EP300: variants seen among roughly 807,000 people sequenced by gnomAD.
EP300 encodes histone acetyltransferase p300.
In EP300, 31 loss-of-function variants were observed where a neutral mutation model predicts 264.0. That is an observed-to-expected ratio of 0.12 (90% CI 0.09 to 0.16). The LOEUF (loss-of-function observed/expected upper bound fraction) is 0.16, where lower values mean the gene tolerates loss of function less well. Among genes scored for constraint, EP300 ranks in the 10% least tolerant of loss-of-function variants. EP300 has a pLI of 1.00. For missense variants in EP300, 2,766 were observed against 3,052.9 expected (o/e 0.91, Z 2.21); for synonymous variants, 1,340 against 1,045.4 (o/e 1.28, Z -5.44).
intron 2 of EP300, among the ~76,000 whole-genome samples, chr22:41,121,476 T>C (rs1402286780): frequency 1.3e-5 from 2 of 152,114 alleles, no homozygotes; most frequent in Non-Finnish European, 2.9e-5. Context: ...AGCAGATCTG[T>C]GTGGGAGATG....
At chr22:41,113,212 C>G (rs2058803765) in intron 1 of EP300, among the ~76,000 whole-genome samples, 1 of 137,370 alleles carries the variant, frequency 7.3e-6, no homozygotes, top group Admixed American at 8.2e-5. Flanking sequence ...CATTCCATAT[C>G]CTATATGATT....
At chr22:41,171,392 A>G (rs2059169996) in intron 27 of EP300, among the ~76,000 whole-genome samples, 1 of 152,156 alleles carries the variant, frequency 6.6e-6, no homozygotes, top group African/African-American at 2.4e-5. Context: ...GCTAGGGTGC[A>G]GTGGCATGAT....
intron 7 of EP300, 50 bp downstream of exon 7, chr22:41,135,956 G>T: frequency 7.5e-7 from 1 of 1,334,348 alleles, no homozygotes; most frequent in East Asian, 2.3e-5. Context: ...AATACTACTG[G>T]TTAACAATTC....
At chr22:41,155,996 T>C (rs1371841062) in intron 17 of EP300, among the ~76,000 whole-genome samples, 1 of 152,112 alleles carries the variant, frequency 6.6e-6, no homozygotes, top group African/African-American at 2.4e-5. Flanking sequence ...TTTGTTTACT[T>C]TTTTGTTGTT....
intron 18 of EP300, 113 bp from the exon 19 acceptor site, chr22:41,158,299 T>C (rs2059088680): frequency 2.5e-6 from 2 of 787,412 alleles, no homozygotes; most frequent in South Asian, 1.5e-5. Flanking sequence ...CCATCATTAT[T>C]AACATAAATG....
chr22:41,093,264 A>G (rs918395959), intron 1 of EP300, among the ~76,000 whole-genome samples, 166 bp downstream of exon 1: 4 of 151,244 alleles, frequency 2.6e-5, no homozygotes, highest in African/African-American at 4.9e-5. Flanking sequence ...TAGCCCAACC[A>G]TTTTCTTTGC....
chr22:41,122,425 C>CA (rs1244720677), intron 2 of EP300, among the ~76,000 whole-genome samples: 1 of 152,100 alleles, frequency 6.6e-6, no homozygotes, highest in Non-Finnish European at 1.5e-5. Flanking sequence ...CGCCACCTCT[C>CA]AAAGTGCTGG....
intron 1 of EP300, among the ~76,000 whole-genome samples, chr22:41,100,770 C>T (rs930413753): frequency 1.3e-5 from 2 of 152,026 alleles, no homozygotes; most frequent in East Asian, 1.9e-4. Flanking sequence ...CTGGAGCATC[C>T]TCAGATTTTG....
At chr22:41,094,906 C>G (rs1013021209) in intron 1 of EP300, among the ~76,000 whole-genome samples, 1 of 152,020 alleles carries the variant, frequency 6.6e-6, no homozygotes, top group Admixed American at 6.6e-5. Flanking sequence ...ACTACTTTCT[C>G]CATGTCGGTC....
intron 23 of EP300, among the ~76,000 whole-genome samples, chr22:41,167,570 GTGTGTGTGTGTGTGTATA>G (rs1270341077): frequency 8.0e-4 from 34 of 42,252 alleles, no homozygotes; most frequent in African/African-American, 3.3e-3. Flanking sequence ...TTGTGTGTGT[GTGTGTGTGTGTGTGTATA>G]TATATATATA....
intron 1 of EP300, among the ~76,000 whole-genome samples, chr22:41,106,037 A>G (rs1431054009): frequency 3.3e-5 from 5 of 152,134 alleles, no homozygotes; most frequent in Non-Finnish European, 5.9e-5. Flanking sequence ...ATGTTTGTAC[A>G]TCTTTATTTC....
At chr22:41,115,455 C>G (rs2058815760) in intron 1 of EP300, among the ~76,000 whole-genome samples, 1 of 152,136 alleles carries the variant, frequency 6.6e-6, no homozygotes. Context: ...TTTTTTGAGA[C>G]AGGATCTTGC....
intron 1 of EP300, 131 bp downstream of exon 1, chr22:41,093,229 G>C (rs1381172494): frequency 1.1e-6 from 1 of 946,856 alleles, no homozygotes; most frequent in Non-Finnish European, 1.6e-6. Flanking sequence ...AAAGGTATTT[G>C]AATGAGCTGG....
intron 5 of EP300, among the ~76,000 whole-genome samples, chr22:41,130,791 T>C (rs1432560086): frequency 6.6e-6 from 1 of 151,978 alleles, no homozygotes; most frequent in Non-Finnish European, 1.5e-5. Flanking sequence ...TTTTATAATA[T>C]TGGGATATAG....
chr22:41,179,014 G>A lies in EP300; in HGVS notation c.*58G>A, dbSNP rs2145525367. The A allele has an allele frequency of 4.4e-6, 7 of 1,597,956 alleles. No individual in the cohort carries two copies. The highest frequency in any genetic ancestry group is 1.1e-5 in the South Asian group (1 of 90,466). ...TTATTTTCTCTTAACAAGACTTTTT[G>A]TACTGAAAACAATTTTTTTGAATCT... On this transcript the variant is annotated 3_prime_UTR_variant, in exon 31 of 31. Coordinates refer to ENST00000263253, the MANE Select transcript of EP300 (RefSeq NM_001429.4).
intron 10 of EP300, among the ~76,000 whole-genome samples, chr22:41,143,255 C>T (rs979272784): frequency 6.6e-6 from 1 of 152,138 alleles, no homozygotes; most frequent in Non-Finnish European, 1.5e-5. Flanking sequence ...AGTTCAGAAC[C>T]AGCCTGGGCA....
chr22:41,169,445 G>T, intron 25 of EP300, 58 bp from the exon 26 acceptor site: 1 of 1,034,632 alleles, frequency 9.7e-7, no homozygotes, highest in Non-Finnish European at 1.5e-6. Context: ...ATGGAGTAAA[G>T]AACTCATTAT....
chr22:41,145,184 T>C (rs5751050), intron 10 of EP300, among the ~76,000 whole-genome samples: 6,205 of 152,324 alleles, frequency 0.041, 417 homozygotes, highest in East Asian at 0.2. Context: ...AATACAGATA[T>C]GTGTGGGGAG....
chr22:41,139,151 G>A (rs575648505), intron 8 of EP300, among the ~76,000 whole-genome samples: 124 of 152,038 alleles, frequency 8.2e-4, no homozygotes, highest in African/African-American at 2.8e-3. Context: ...ATGGGGTTTC[G>A]CCGTGTTGGC....
Sources: gnomAD v4.1 joint callset for allele counts (sites outside exome capture counted in the v4.1 genomes callset) on GRCh38, gnomAD v4.1.1 for gene constraint, MANE v1.5 for transcripts, NCBI Gene and HGNC (gene_info 2026-07-23, HGNC 2026-07-21) for gene names.